The following ZFAND6 variants were observed in gnomAD, a reference collection of about 807,000 sequenced individuals.
The protein encoded by ZFAND6 is zinc finger AN1-type containing 6.
ZFAND6 carries 12 observed loss-of-function variants against 24.5 expected under a neutral mutation model. The ratio of observed to expected loss-of-function variants is 0.49; its 90% CI spans 0.31 to 0.79. ZFAND6 has a LOEUF of 0.79. Ranked by LOEUF, ZFAND6 falls within the 30% of genes least tolerant of loss-of-function variation. The pLI, the probability that ZFAND6 is intolerant of heterozygous loss-of-function variation, is 0.04. For missense variants in ZFAND6, 207 were observed against 245.9 expected, an observed-to-expected ratio of 0.84 and a Z score of 1.06; for synonymous variants, 92 against 81.5, an observed-to-expected ratio of 1.13 and a Z score of -0.69.
At chr15:80,069,587 C>G (rs1292892991) in intron 1 of ZFAND6, among the ~76,000 whole-genome samples, 1 of 152,002 alleles carries the variant, frequency 6.6e-6, no homozygotes, top group Non-Finnish European at 1.5e-5. Context: ...TCAAATATAT[C>G]TTACTTTTGC....
chr15:80,126,037 A>T (rs1238723594), intron 5 of ZFAND6, among the ~76,000 whole-genome samples: 1 of 152,174 alleles, frequency 6.6e-6, no homozygotes, highest in African/African-American at 2.4e-5. Flanking sequence ...CAACACTCGA[A>T]TGATGTCATA....
intron 1 of ZFAND6, among the ~76,000 whole-genome samples, chr15:80,061,798 A>G (rs1042082609): frequency 2.6e-5 from 4 of 152,298 alleles, no homozygotes; most frequent in East Asian, 1.9e-4. Context: ...GAATTTCTCT[A>G]GAGTAAATAC....
intron 3 of ZFAND6, 58 bp downstream of exon 3, chr15:80,120,556 C>T (rs1174450139): frequency 8.8e-6 from 12 of 1,368,878 alleles, no homozygotes; most frequent in East Asian, 2.6e-5. Flanking sequence ...GTGGATATTT[C>T]GGTATACCCA....
At chr15:80,100,914 G>A (rs535074898) in intron 2 of ZFAND6, among the ~76,000 whole-genome samples, 2 of 152,150 alleles carry the variant, frequency 1.3e-5, no homozygotes, top group South Asian at 4.1e-4. Context: ...CCTCAGTTGT[G>A]TAATCTGTAA....
chr15:80,080,926 G>A (rs2037627450), intron 1 of ZFAND6, among the ~76,000 whole-genome samples: 1 of 152,172 alleles, frequency 6.6e-6, no homozygotes. Flanking sequence ...AGCTATTCAT[G>A]AGAACTCCTC....
chr15:80,108,504 A>C (rs2039450117), intron 2 of ZFAND6, among the ~76,000 whole-genome samples: 1 of 152,196 alleles, frequency 6.6e-6, no homozygotes, highest in African/African-American at 2.4e-5. Context: ...GCAAATAAGA[A>C]TATTGGGTGG....
chr15:80,081,282 AG>A (rs1331453412), intron 1 of ZFAND6, among the ~76,000 whole-genome samples: 1 of 152,232 alleles, frequency 6.6e-6, no homozygotes, highest in Non-Finnish European at 1.5e-5. Flanking sequence ...TTACACAGTC[AG>A]ATGAGCTTGT....
intron 6 of ZFAND6, among the ~76,000 whole-genome samples, chr15:80,134,232 C>T (rs1464925780): frequency 3.9e-5 from 6 of 152,176 alleles, no homozygotes; most frequent in Admixed American, 6.5e-5. Flanking sequence ...GCAGGTGATC[C>T]GTCCACCTCA....
chr15:80,091,110 T>G (rs1264679404), intron 1 of ZFAND6, among the ~76,000 whole-genome samples: 1 of 152,036 alleles, frequency 6.6e-6, no homozygotes, highest in Non-Finnish European at 1.5e-5. Context: ...AAGGAAATTC[T>G]TGCAAAGAAA....
At chr15:80,112,954 A>G in intron 2 of ZFAND6, 1 of 435,080 alleles carries the variant, frequency 2.3e-6, no homozygotes, top group Non-Finnish European at 4.6e-6. Context: ...TGCAAAGAGA[A>G]TTCACCCATT....
intron 1 of ZFAND6, among the ~76,000 whole-genome samples, chr15:80,064,325 A>G (rs749440620): frequency 6.6e-6 from 1 of 152,190 alleles, no homozygotes; most frequent in Non-Finnish European, 1.5e-5. Flanking sequence ...ATGACAGAAT[A>G]CACATTTCTT....
chr15:80,061,771 T>A (rs1194767345), intron 1 of ZFAND6, among the ~76,000 whole-genome samples: 1 of 152,190 alleles, frequency 6.6e-6, no homozygotes. Flanking sequence ...TTTCCGGCTC[T>A]TGGTACACAA....
intron 1 of ZFAND6, among the ~76,000 whole-genome samples, chr15:80,088,804 T>G (rs1471411800): frequency 2.6e-5 from 4 of 152,184 alleles, no homozygotes; most frequent in African/African-American, 9.7e-5. Flanking sequence ...CTATTTAAAT[T>G]TATTAAAACT....
intron 1 of ZFAND6, chr15:80,073,266 G>T (rs1442164767): frequency 3.3e-6 from 1 of 302,686 alleles, no homozygotes; most frequent in Non-Finnish European, 6.7e-6. Flanking sequence ...TCTTTCAAAG[G>T]TGGAGATAAG....
At chr15:80,128,852 C>CA (rs2078115785) in intron 5 of ZFAND6, among the ~76,000 whole-genome samples, 1 of 152,184 alleles carries the variant, frequency 6.6e-6, no homozygotes, top group South Asian at 2.1e-4. Context: ...TTGAGATATG[C>CA]AGTAGTATTT....
At chr15:80,119,926 A>G (rs192222775) in intron 2 of ZFAND6, among the ~76,000 whole-genome samples, 1 of 152,244 alleles carries the variant, frequency 6.6e-6, no homozygotes, top group Non-Finnish European at 1.5e-5. Context: ...ACTTCCAGCA[A>G]AAGTTTAAAT....
intron 1 of ZFAND6, among the ~76,000 whole-genome samples, chr15:80,079,139 A>G (rs1005227864): frequency 3.3e-5 from 5 of 149,440 alleles, no homozygotes; most frequent in African/African-American, 4.9e-5. Flanking sequence ...TGCTTGTTGA[A>G]TTCTGGATAT....
At chr15:80,088,221 G>A (rs1410122530) in intron 1 of ZFAND6, among the ~76,000 whole-genome samples, 1 of 151,794 alleles carries the variant, frequency 6.6e-6, no homozygotes, top group African/African-American at 2.4e-5. Context: ...CATCCTTTTT[G>A]ATCCTAACCC....
chr15:80,075,517 T>G (rs555728822), intron 1 of ZFAND6, among the ~76,000 whole-genome samples: 39 of 152,170 alleles, frequency 2.6e-4, no homozygotes, highest in African/African-American at 9.1e-4. Context: ...AAGAAAACTT[T>G]TAAATTGACC....
Sources: gnomAD v4.1 joint callset for allele counts (sites outside exome capture counted in the v4.1 genomes callset) on GRCh38, gnomAD v4.1.1 for gene constraint, MANE v1.5 for transcripts, NCBI Gene and HGNC (gene_info 2026-07-23, HGNC 2026-07-21) for gene names.